The following NCK2 variants were observed in gnomAD, a reference collection of about 807,000 sequenced individuals.
The protein encoded by NCK2 is cytoplasmic protein NCK2.
A neutral mutation model predicts 33.9 loss-of-function variants in NCK2; 16 were observed. The ratio of observed to expected loss-of-function variants is 0.47; its 90% CI spans 0.32 to 0.72. The LOEUF (loss-of-function observed/expected upper bound fraction) is 0.72, where lower values mean the gene tolerates loss of function less well. Among genes scored for constraint, NCK2 ranks in the 30% least tolerant of loss-of-function variants. The pLI, the probability that NCK2 is intolerant of heterozygous loss-of-function variation, is 0.03. For synonymous variants in NCK2, 273 were observed against 239.9 expected (o/e 1.14, Z -1.27); for missense variants, 418 against 537.3 (o/e 0.78, Z 2.19).
rs574746355 is a variant in NCK2 at position 105,757,984 on chromosome 2, G to A, written c.-201+12846G>A. On this transcript the variant is annotated intron_variant, in intron 1 of 4. Coordinates refer to ENST00000233154, the MANE Select transcript of NCK2 (RefSeq NM_003581.5). ...CCTCTATTCTCTCATGCCAGGGTGGGTGTTATTATTCCAGGGCCTGGATGA... is the reference window on the plus strand; with the variant it reads ...CCTCTATTCTCTCATGCCAGGGTGGATGTTATTATTCCAGGGCCTGGATGA... Among the ~76,000 whole-genome samples the A allele has an allele frequency of 6.9e-4, 105 of 152,280 alleles. 1 individual carries two copies. Among genetic ancestry groups the A allele is most frequent in the Admixed American group, 2.1e-3 (32 of 15,304 alleles).
At chr2:105,781,010 C>T (rs116025549) in intron 1 of NCK2, among the ~76,000 whole-genome samples, 2,938 of 152,260 alleles carry the variant, frequency 0.019, 46 homozygotes, top group Non-Finnish European at 0.022. Context: ...TCTCATTGCC[C>T]GAATCTAGAT....
intron 1 of NCK2, among the ~76,000 whole-genome samples, chr2:105,804,120 C>T (rs764310082): frequency 6.6e-6 from 1 of 152,126 alleles, no homozygotes; most frequent in Non-Finnish European, 1.5e-5. Flanking sequence ...TCAGGATTTA[C>T]TAATTTCAAG....
At chr2:105,884,953 C>A (rs758329030) in intron 4 of NCK2, among the ~76,000 whole-genome samples, 1 of 152,222 alleles carries the variant, frequency 6.6e-6, no homozygotes, top group Non-Finnish European at 1.5e-5. Context: ...AGAAATCCTA[C>A]TCACCCTGTG....
chr2:105,854,954 T>G, intron 2 of NCK2, 94 bp from the exon 3 acceptor site: 1 of 867,044 alleles, frequency 1.2e-6, no homozygotes, highest in Non-Finnish European at 1.8e-6. Context: ...AGAGTTGTAA[T>G]AAAAGCTGTC....
intron 2 of NCK2, among the ~76,000 whole-genome samples, chr2:105,822,418 C>A (rs1035104136): frequency 6.6e-6 from 1 of 151,944 alleles, no homozygotes; most frequent in Non-Finnish European, 1.5e-5. Context: ...TCTGTACAGG[C>A]CAGGGGACTT....
intron 1 of NCK2, among the ~76,000 whole-genome samples, chr2:105,768,184 A>G (rs538369498): frequency 1.3e-5 from 2 of 152,284 alleles, no homozygotes; most frequent in East Asian, 1.9e-4. Flanking sequence ...AATGCCATTC[A>G]TTTGCTTTCT....
chr2:105,792,550 C>T (rs1388779133), intron 1 of NCK2, among the ~76,000 whole-genome samples: 1 of 152,114 alleles, frequency 6.6e-6, no homozygotes, highest in Non-Finnish European at 1.5e-5. Context: ...TCAGAATCCA[C>T]GTAAGGTCCA....
intron 3 of NCK2, among the ~76,000 whole-genome samples, chr2:105,858,590 G>A (rs1425973547): frequency 2.0e-5 from 3 of 152,068 alleles, no homozygotes; most frequent in Non-Finnish European, 4.4e-5. Context: ...GAATAAAATG[G>A]CACCGGCCTC....
chr2:105,785,042 G>T (rs1367814696), intron 1 of NCK2, among the ~76,000 whole-genome samples: 3 of 152,168 alleles, frequency 2.0e-5, no homozygotes, highest in African/African-American at 7.2e-5. Flanking sequence ...GCAGTGGCGC[G>T]ATCTCAGCTC....
intron 4 of NCK2, among the ~76,000 whole-genome samples, chr2:105,884,496 A>C (rs1171932011): frequency 6.6e-6 from 1 of 152,188 alleles, no homozygotes; most frequent in Non-Finnish European, 1.5e-5. Flanking sequence ...AATTGAGGTT[A>C]TCACATGAGG....
intron 1 of NCK2, among the ~76,000 whole-genome samples, chr2:105,781,039 G>A (rs10196773): frequency 0.86 from 130,752 of 152,202 alleles, 56,354 homozygotes; most frequent in East Asian, 0.99. Flanking sequence ...TCACCTGGTC[G>A]TGGTCTTCCT....
chr2:105,799,437 G>A (rs572127226), intron 1 of NCK2, among the ~76,000 whole-genome samples: 2 of 152,218 alleles, frequency 1.3e-5, no homozygotes, highest in South Asian at 2.1e-4. Flanking sequence ...GTACCCCATG[G>A]CCATTTATTG....
intron 2 of NCK2, among the ~76,000 whole-genome samples, chr2:105,829,761 A>G (rs76647062): frequency 0.017 from 2,649 of 151,796 alleles, 40 homozygotes; most frequent in Non-Finnish European, 0.022. Flanking sequence ...CCCTTTCCCT[A>G]TGTACTCTTT....
chr2:105,835,388 C>CGTATATATATGTATATAT, intron 2 of NCK2, among the ~76,000 whole-genome samples: 1 of 52,112 alleles, frequency 1.9e-5, no homozygotes. Context: ...TATATATACA[C>CGTATATATATGTATATAT]ATATATATAT....
chr2:105,766,136 G>A (rs150519692), intron 1 of NCK2, among the ~76,000 whole-genome samples: 2 of 152,258 alleles, frequency 1.3e-5, no homozygotes, highest in East Asian at 3.9e-4. Flanking sequence ...AAAAGAATGA[G>A]GGGAGGCGCA....
chr2:105,893,553 C>T lies in NCK2; in HGVS notation c.*377C>T. 8.4e-6 allele frequency: 2 copies of T among 238,364 alleles called. 1 individual carries two copies. Among genetic ancestry groups the T allele is most frequent in the South Asian group, 1.3e-4 (2 of 15,664 alleles). The allele number at this position is 238,364 out of a possible 1,614,324, so 14.8% of individuals were successfully genotyped here. A position where few individuals can be genotyped will look rare whatever the true frequency, so the allele number is the denominator to read the frequency against. ...CGGCAGCGCCCGTGTCCTGGGCACT[C>T]AGCGTGCTGGGCAGAGCAGGTGCGA... On this transcript the variant is annotated 3_prime_UTR_variant, in exon 5 of 5. Coordinates refer to ENST00000233154, the MANE Select transcript of NCK2 (RefSeq NM_003581.5).
At chr2:105,766,041 C>T (rs1282571239) in intron 1 of NCK2, among the ~76,000 whole-genome samples, 1 of 152,122 alleles carries the variant, frequency 6.6e-6, no homozygotes, top group Non-Finnish European at 1.5e-5. Context: ...GACTTTGCTT[C>T]CTGCCAAGCA....
At chr2:105,836,603 G>A (rs1298063765) in intron 2 of NCK2, among the ~76,000 whole-genome samples, 1 of 152,164 alleles carries the variant, frequency 6.6e-6, no homozygotes, top group Non-Finnish European at 1.5e-5. Flanking sequence ...CTGTGCATTG[G>A]CTCCCTTTGT....
intron 2 of NCK2, among the ~76,000 whole-genome samples, chr2:105,818,950 A>AT (rs1675615212): frequency 6.6e-6 from 1 of 152,160 alleles, no homozygotes. Context: ...GATGTGTGGT[A>AT]TTTAGAACAG....
Sources: gnomAD v4.1 joint callset for allele counts (sites outside exome capture counted in the v4.1 genomes callset) on GRCh38, gnomAD v4.1.1 for gene constraint, MANE v1.5 for transcripts, NCBI Gene and HGNC (gene_info 2026-07-23, HGNC 2026-07-21) for gene names.